The following TSHZ2 variants were observed in gnomAD, a reference collection of about 807,000 sequenced individuals.
TSHZ2 encodes the protein teashirt homolog 2.
In TSHZ2, 21 loss-of-function variants were observed where a neutral mutation model predicts 74.4. The observed-to-expected ratio is 0.28, with a 90% confidence interval of 0.20 to 0.41. The LOEUF is 0.41. Among genes scored for constraint, TSHZ2 ranks in the 10% least tolerant of loss-of-function variants. The pLI is 1.00. For synonymous variants in TSHZ2, 540 were observed against 515.3 expected (o/e 1.05, Z -0.65); for missense variants, 1,244 against 1,293.5 (o/e 0.96, Z 0.59).
At chr20:53,285,479 G>C (rs1991147217) in intron 2 of TSHZ2, among the ~76,000 whole-genome samples, 1 of 152,180 alleles carries the variant, frequency 6.6e-6, no homozygotes, top group African/African-American at 2.4e-5. Flanking sequence ...GGAGGACAAG[G>C]CAGGCAGATC....
chr20:53,195,295 A>T (rs745601319), intron 1 of TSHZ2, among the ~76,000 whole-genome samples: 3 of 152,158 alleles, frequency 2.0e-5, no homozygotes, highest in African/African-American at 7.2e-5. Context: ...ACACACACAC[A>T]TATATATTCT....
chr20:52,989,647 C>T (rs1265504464), intron 1 of TSHZ2, among the ~76,000 whole-genome samples: 3 of 152,056 alleles, frequency 2.0e-5, no homozygotes, highest in African/African-American at 4.8e-5. Flanking sequence ...CAGAACAACG[C>T]TTGGCGCATA....
chr20:53,030,351 TA>T (rs58895342), intron 1 of TSHZ2, among the ~76,000 whole-genome samples: 92,445 of 146,108 alleles, frequency 0.63, 29,414 homozygotes, highest in East Asian at 0.85. Flanking sequence ...AGCACTGACT[TA>T]AAAAAAAAAA....
At chr20:53,220,678 G>T (rs187677123) in intron 1 of TSHZ2, among the ~76,000 whole-genome samples, 4 of 152,264 alleles carry the variant, frequency 2.6e-5, no homozygotes, top group African/African-American at 7.2e-5. Flanking sequence ...CACAGAAAAA[G>T]CTTGCTGACT....
Position 53,065,856 on chromosome 20 carries a change from C to T in TSHZ2, c.40+92523C>T, listed in dbSNP as rs148817763. Among the ~76,000 whole-genome samples, 92 of 152,298 alleles carry T rather than the reference C, an allele frequency of 6.0e-4. 1 individual carries two copies. In the Middle Eastern group the frequency reaches 0.014, roughly 23 times the overall value. ...TGCCATTGGTTGACAGAAACGTAATCTCTGTCAAGTTAGGGCATGTAGGTT... is the reference window on the plus strand; with the variant it reads ...TGCCATTGGTTGACAGAAACGTAATTTCTGTCAAGTTAGGGCATGTAGGTT... On this transcript the variant is annotated intron_variant, in intron 1 of 2. Coordinates refer to ENST00000371497, the MANE Select transcript of TSHZ2 (RefSeq NM_173485.6).
intron 2 of TSHZ2, among the ~76,000 whole-genome samples, chr20:53,428,634 G>T (rs1414600635): frequency 6.6e-6 from 1 of 152,086 alleles, no homozygotes; most frequent in African/African-American, 2.4e-5. Context: ...GAATGGAACA[G>T]ACAAATGGGA....
chr20:53,217,816 C>A (rs1183030818), intron 1 of TSHZ2, among the ~76,000 whole-genome samples: 1 of 152,190 alleles, frequency 6.6e-6, no homozygotes, highest in Non-Finnish European at 1.5e-5. Flanking sequence ...GACTTACTAT[C>A]TCATTTAAGT....
chr20:53,332,544 T>A (rs1346102761), intron 2 of TSHZ2, among the ~76,000 whole-genome samples: 2 of 151,958 alleles, frequency 1.3e-5, no homozygotes, highest in Admixed American at 6.6e-5. Flanking sequence ...GCAGAATGGA[T>A]TTTAAAGGGT....
At chr20:53,132,320 T>C (rs1987127122) in intron 1 of TSHZ2, among the ~76,000 whole-genome samples, 1 of 151,648 alleles carries the variant, frequency 6.6e-6, no homozygotes, top group Non-Finnish European at 1.5e-5. Flanking sequence ...CTAATTTTTT[T>C]TTTTTTTTTG....
intron 2 of TSHZ2, among the ~76,000 whole-genome samples, chr20:53,463,433 A>AGGAAG (rs1482520789): frequency 1.1e-5 from 1 of 92,930 alleles, no homozygotes; most frequent in Non-Finnish European, 2.2e-5. Context: ...GAAGGAAGGA[A>AGGAAG]GGAGGGAGGG....
At chr20:53,410,084 T>G (rs1041529873) in intron 2 of TSHZ2, among the ~76,000 whole-genome samples, 1 of 152,054 alleles carries the variant, frequency 6.6e-6, no homozygotes, top group Non-Finnish European at 1.5e-5. Context: ...TGACCTCAGG[T>G]GATCCACCCA....
At chr20:53,031,119 T>C (rs1983618741) in intron 1 of TSHZ2, among the ~76,000 whole-genome samples, 1 of 152,212 alleles carries the variant, frequency 6.6e-6, no homozygotes, top group African/African-American at 2.4e-5. Flanking sequence ...AGAAGTAGAA[T>C]TGCCAAAATT....
At chr20:53,038,869 TG>T (rs1983925536) in intron 1 of TSHZ2, among the ~76,000 whole-genome samples, 2 of 124,286 alleles carry the variant, frequency 1.6e-5, no homozygotes, top group African/African-American at 6.4e-5. Context: ...GTTTTTTTTT[TG>T]TTTGTTTGTT....
intron 1 of TSHZ2, among the ~76,000 whole-genome samples, chr20:53,001,205 CGTGTGTGT>C (rs558621179): frequency 0.013 from 1,223 of 94,230 alleles, 21 homozygotes; most frequent in African/African-American, 0.036. Context: ...CGTTCATGTG[CGTGTGTGT>C]GTGTGTGTGT....
At chr20:53,319,251 C>T (rs1979153550) in intron 2 of TSHZ2, among the ~76,000 whole-genome samples, 1 of 152,238 alleles carries the variant, frequency 6.6e-6, no homozygotes, top group Non-Finnish European at 1.5e-5. Context: ...AGTATAAGTG[C>T]TGCTCTTGTA....
intron 2 of TSHZ2, among the ~76,000 whole-genome samples, chr20:53,418,551 CCTT>C (rs1175091239): frequency 1.3e-5 from 2 of 152,126 alleles, no homozygotes; most frequent in Non-Finnish European, 2.9e-5. Flanking sequence ...AGGAAACTCC[CCTT>C]CTTATAACCA....
intron 1 of TSHZ2, among the ~76,000 whole-genome samples, chr20:52,989,164 CA>C (rs3995491): frequency 0.25 from 31,031 of 125,952 alleles, 3,527 homozygotes; most frequent in East Asian, 0.45. Flanking sequence ...CTCTGTCTGG[CA>C]AAAAAAAAAA....
chr20:53,035,131 T>C (rs1983773097), intron 1 of TSHZ2, among the ~76,000 whole-genome samples: 1 of 152,180 alleles, frequency 6.6e-6, no homozygotes, highest in Non-Finnish European at 1.5e-5. Flanking sequence ...AGAAGGCACC[T>C]GGCCTCTGTC....
chr20:52,991,086 C>A (rs1176288720), intron 1 of TSHZ2, among the ~76,000 whole-genome samples: 1 of 149,792 alleles, frequency 6.7e-6, no homozygotes, highest in Non-Finnish European at 1.5e-5. Context: ...TGTGTTGTGG[C>A]AGGGGAAGAG....
Sources: gnomAD v4.1 joint callset for allele counts (sites outside exome capture counted in the v4.1 genomes callset) on GRCh38, gnomAD v4.1.1 for gene constraint, MANE v1.5 for transcripts, NCBI Gene and HGNC (gene_info 2026-07-23, HGNC 2026-07-21) for gene names.